ZNF479: variants seen among roughly 807,000 people sequenced by gnomAD.
ZNF479 encodes zinc finger protein 479, also known as KRAB zinc finger protein KR19.
A neutral mutation model predicts 14.7 loss-of-function variants in ZNF479; 15 were observed. The ratio of observed to expected loss-of-function variants is 1.02; its 90% CI spans 0.68 to 1.57. The LOEUF (loss-of-function observed/expected upper bound fraction) is 1.57. Among genes scored for constraint, ZNF479 ranks in the 40% most tolerant of loss-of-function variants. The probability of loss-of-function intolerance (pLI) is 0.00; values close to 1 mark genes in which losing one functional copy is unlikely to be tolerated. For synonymous variants in ZNF479, 145 were observed against 211.5 expected (o/e 0.69, Z 2.73); for missense variants, 506 against 615.1 (o/e 0.82, Z 1.88).
upstream of ZNF479, among the ~76,000 whole-genome samples, chr7:57,134,517 T>A (rs1786559276): frequency 6.6e-6 from 1 of 152,118 alleles, no homozygotes; most frequent in South Asian, 2.1e-4. Flanking sequence ...GCTTAGCATA[T>A]AATCAAGAAA....
Position 57,126,048 on chromosome 7 carries a change from T to G in ZNF479, c.232A>C (p.Lys78Gln). Residue 78 changes from lysine to glutamine, a missense_variant, in exon 3 of 4, where the codon AAG (lysine) becomes CAG (glutamine). Lys to Gln is a moderately conservative substitution (Grantham distance 53). Transcript: ENST00000319636. The stretch of plus-strand genomic sequence containing the variant: ...TGTTTGGCTACCATCTCATTTCTCT[T>G]TATATTCTGGGACTCTTTATTTTGC... The part of the protein sequence containing the change: ...LEQNKESQNI[K>Q]RNEMVAKHPV... 1.2e-6 allele frequency: 2 copies of G among 1,604,600 alleles called. No individual in the cohort carries two copies. Among genetic ancestry groups the G allele is most frequent in the Non-Finnish European group, 1.7e-6 (2 of 1,179,902 alleles).
chr7:57,136,762 T>C (rs192831621), upstream of ZNF479, among the ~76,000 whole-genome samples: 11 of 152,266 alleles, frequency 7.2e-5, no homozygotes, highest in Admixed American at 3.3e-4. Context: ...TCCTTTCTGA[T>C]TTGATATCTG....
rs1785764647 is a variant in ZNF479 at position 57,118,242 on chromosome 7, G to A, written c.*1598C>T. Among the ~76,000 whole-genome samples, 1 of 152,252 alleles carries A rather than the reference G, an allele frequency of 6.6e-6. No homozygotes were observed. The highest frequency in any genetic ancestry group is 2.1e-4 in the South Asian group (1 of 4,836). On this transcript the variant is annotated 3_prime_UTR_variant, in exon 4 of 4. Coordinates refer to ENST00000319636, the MANE Select transcript of ZNF479 (RefSeq NM_001370129.2). Reference sequence around the variant, plus strand: ...TCAAATTTTTCCTTTAATATAAAATGTGTACAATAAAATCTGTAATGGAAG... The same window carrying A: ...TCAAATTTTTCCTTTAATATAAAATATGTACAATAAAATCTGTAATGGAAG...
At chr7:57,131,508 A>G in intron 1 of ZNF479, among the ~76,000 whole-genome samples, 1 of 150,354 alleles carries the variant, frequency 6.7e-6, no homozygotes, top group Non-Finnish European at 1.5e-5. Context: ...GGTTGTAATG[A>G]GGTGAGATCG....
intron 1 of ZNF479, among the ~76,000 whole-genome samples, chr7:57,131,597 A>ACAG (rs1786424824): frequency 8.5e-6 from 1 of 118,124 alleles, no homozygotes; most frequent in Non-Finnish European, 1.9e-5. Context: ...CAAAAAAAAA[A>ACAG]CATTTCTTGT....
In ZNF479 at chr7:57,120,937, G is replaced by C. The variant is rs1183624164; in HGVS notation, c.478C>G (p.His160Asp). 18 of 1,613,796 alleles carry C rather than the reference G, an allele frequency of 1.1e-5. No individual in the cohort carries two copies. Among genetic ancestry groups the C allele is most frequent in the Admixed American group, 6.7e-5 (4 of 59,930 alleles). ...STTQNKIFQTHKYVKVFGKFS... is the reference protein window; with the variant it reads ...STTQNKIFQTDKYVKVFGKFS... ...TTACCAAAGACTTTGACATATTTAT[G>C]AGTCTGAAATATTTTGTTTTGGGTA... Residue 160 changes from histidine to aspartate, a missense_variant, in exon 4 of 4, where the codon CAT becomes GAT. His to Asp is a moderately conservative substitution (Grantham distance 81, BLOSUM62 -1). Coordinates refer to ENST00000319636, the MANE Select transcript of ZNF479 (RefSeq NM_001370129.2).
intron 1 of ZNF479, among the ~76,000 whole-genome samples, chr7:57,130,004 G>A (rs533199904): frequency 2.6e-5 from 4 of 152,214 alleles, no homozygotes; most frequent in South Asian, 2.1e-4. Flanking sequence ...AGGACAAAAT[G>A]TATATCACTA....
chr7:57,120,547 T>C lies in ZNF479; in HGVS notation c.868A>G (p.Ile290Val). Residue 290 changes from isoleucine to valine, a missense_variant, in exon 4 of 4, where the codon ATT (isoleucine) becomes GTT (valine). Physicochemically the swap from Ile to Val is conservative, Grantham distance 29. This residue lies in a region of ZNF479 where 420 missense variants were observed against 474.2 expected (regional missense o/e 0.89). Transcript: ENST00000319636. Reference sequence around the variant, plus strand: ...TTGTAGGGTCTCTCTCCAGTATGAATTCTCTTGTGGTTAGTAAGTGCTGAG... The same window carrying C: ...TTGTAGGGTCTCTCTCCAGTATGAACTCTCTTGTGGTTAGTAAGTGCTGAG... Reference protein sequence around the residue: ...RSSALTNHKRIHTGERPYKCE... With the variant: ...RSSALTNHKRVHTGERPYKCE... The C allele has an allele frequency of 6.2e-7, 1 of 1,613,794 alleles. No homozygotes were observed. Among genetic ancestry groups the C allele is most frequent in the South Asian group, 1.1e-5 (1 of 91,072 alleles).
chr7:57,128,575 G>A (rs1383630198), intron 1 of ZNF479, among the ~76,000 whole-genome samples: 1 of 152,214 alleles, frequency 6.6e-6, no homozygotes, highest in Admixed American at 6.5e-5. Context: ...GCTACAATGG[G>A]AACATTTTAA....
chr7:57,134,888 T>C (rs531318999), upstream of ZNF479, among the ~76,000 whole-genome samples: 8 of 152,258 alleles, frequency 5.3e-5, no homozygotes, highest in South Asian at 1.7e-3. Context: ...TTGGCCAGGC[T>C]GATCTCGAAC....
At chr7:57,133,286 G>A (rs976036873), upstream of ZNF479, among the ~76,000 whole-genome samples, 1 of 152,052 alleles carries the variant, frequency 6.6e-6, no homozygotes, top group African/African-American at 2.4e-5. Flanking sequence ...CGTCCTCCCC[G>A]GTTCTTTCTC....
Position 57,120,502 on chromosome 7 carries a change from C to T in ZNF479, c.913G>A (p.Ala305Thr), listed in dbSNP as rs1554400144. 3.1e-6 allele frequency: 5 copies of T among 1,611,260 alleles called. No individual in the cohort carries two copies. Among genetic ancestry groups the T allele is most frequent in the South Asian group, 2.2e-5 (2 of 90,974 alleles). Residue 305 changes from alanine to threonine, a missense_variant, in exon 4 of 4, where the codon GCC becomes ACC. By Grantham distance (58) the Ala-to-Thr change is moderately conservative. Transcript: ENST00000319636. ...RPYKCEECGK[A>T]FSVSSTLTDH... ...GTGAGGGTTGAGGATACGCTAAAGGCTTTGCCACATTCTTCACATTTGTAG... is the reference window on the plus strand; with the variant it reads ...GTGAGGGTTGAGGATACGCTAAAGGTTTTGCCACATTCTTCACATTTGTAG...
chr7:57,126,667 G>A lies in ZNF479; in HGVS notation c.91C>T (p.Gln31Ter). 1.9e-6 allele frequency: 3 copies of A among 1,613,022 alleles called. No homozygotes were observed. The highest frequency in any genetic ancestry group is 2.5e-6 in the Non-Finnish European group (3 of 1,179,160). The change falls in exon 2 of 4, where the codon CAA becomes TAA. Residue 31 changes from glutamine (Q) to a stop codon, truncating the protein, a stop_gained. Transcript: ENST00000319636. LOFTEE classifies it high-confidence loss of function. ...TTCCGCTGAGCACAATCCAGGCATTGCCATTCCTCCAGAGAGAATTCTATA... is the reference window on the plus strand; with the variant it reads ...TTCCGCTGAGCACAATCCAGGCATTACCATTCCTCCAGAGAGAATTCTATA... The part of the protein sequence containing the change: ...IAIEFSLEEW[Q>*]CLDCAQRNLY...
chr7:57,124,498 T>C (rs570138429), intron 3 of ZNF479, among the ~76,000 whole-genome samples: 22 of 152,284 alleles, frequency 1.4e-4, no homozygotes, highest in African/African-American at 5.1e-4. Flanking sequence ...AAAAACCTAA[T>C]GAAACTCTTA....
Position 57,119,521 on chromosome 7 carries a change from C to T in ZNF479, c.*319G>A, listed in dbSNP as rs190106481. ...ACTCAGGAGGCTGAGGCAGGAGAAT[C>T]GCTTGAACCCGGAAGGCAGAGGTTA... On this transcript the variant is annotated 3_prime_UTR_variant, in exon 4 of 4. Transcript: ENST00000319636. 0.023 allele frequency: 5,777 copies of T among 254,656 alleles called. 99 individuals carry two copies. Among genetic ancestry groups the T allele is most frequent in the Non-Finnish European group, 0.033 (4,387 of 131,042 alleles). 15.8% of individuals were successfully genotyped at this position (254,656 alleles called of 1,614,324 possible).
At chr7:57,121,687 G>T (rs1424883535) in intron 3 of ZNF479, among the ~76,000 whole-genome samples, 2 of 152,174 alleles carry the variant, frequency 1.3e-5, no homozygotes, top group African/African-American at 2.4e-5. Flanking sequence ...AAGACAATTG[G>T]TGTCATGCTA....
chr7:57,123,617 T>G (rs1335354210), intron 3 of ZNF479, among the ~76,000 whole-genome samples: 1 of 152,056 alleles, frequency 6.6e-6, no homozygotes, highest in Admixed American at 6.6e-5. Flanking sequence ...AAGAATCACT[T>G]GGGGCAAGAA....
In ZNF479 at chr7:57,126,006, G is replaced by A. The variant is rs200179812; in HGVS notation, c.262+12C>T. 8,898 of 1,536,412 alleles carry A rather than the reference G, an allele frequency of 5.8e-3. 1 individual carries two copies. Among genetic ancestry groups the A allele is most frequent in the East Asian group, 0.042 (1,462 of 34,966 alleles). On this transcript the variant is annotated intron_variant, in intron 3 of 3. Coordinates refer to ENST00000319636, the MANE Select transcript of ZNF479 (RefSeq NM_001370129.2). The stretch of plus-strand genomic sequence containing the variant: ...CTCATCTGTCTCATCTGCTTCATTC[G>A]CTCTCACCTACCTGGGTGTTTGGCT...
chr7:57,138,574 C>G (rs1177933865), intron 1 of ZNF479, among the ~76,000 whole-genome samples: 1 of 152,200 alleles, frequency 6.6e-6, no homozygotes, highest in African/African-American at 2.4e-5. Flanking sequence ...AGCGATGACT[C>G]TTATACCCGG....
Sources: gnomAD v4.1 joint callset for allele counts (sites outside exome capture counted in the v4.1 genomes callset) on GRCh38, gnomAD v4.1.1 for gene constraint, gnomAD v4.1.1 regional missense constraint, MANE v1.5 for transcripts, NCBI Gene and HGNC (gene_info 2026-07-23, HGNC 2026-07-21) for gene names.